ATP2A3: variants seen among roughly 807,000 people sequenced by gnomAD.
The protein encoded by ATP2A3 is ATPase sarcoplasmic/endoplasmic reticulum Ca2+ transporting 3.
ATP2A3 carries 61 observed loss-of-function variants against 106.8 expected under a neutral mutation model. The ratio of observed to expected loss-of-function variants is 0.57; its 90% CI spans 0.46 to 0.71. The LOEUF is 0.71. Among genes scored for constraint, ATP2A3 ranks in the 30% least tolerant of loss-of-function variants. The pLI is 0.00. For missense variants in ATP2A3, 1,201 were observed against 1,423.5 expected (o/e 0.84, Z 2.52); for synonymous variants, 611 against 609.3 (o/e 1.00, Z -0.04).
chr17:3,938,148 G>C (rs963391122), intron 14 of ATP2A3, among the ~76,000 whole-genome samples: 2 of 152,154 alleles, frequency 1.3e-5, no homozygotes, highest in African/African-American at 4.8e-5. Flanking sequence ...CAAACTGAAG[G>C]CCAGGCCAGG....
rs1294982593 is a variant in ATP2A3 at position 3,950,773 on chromosome 17, A to G, written c.464T>C (p.Val155Ala). 8 of 1,612,642 alleles carry G rather than the reference A, an allele frequency of 5.0e-6. No homozygotes were observed. Among genetic ancestry groups the G allele is most frequent in the Middle Eastern group, 3.7e-4 (2 of 5,436 alleles). The change falls in exon 6 of 21, where the codon GTG (valine) becomes GCG (alanine). Residue 155 changes from valine (V) to alanine (A), a missense_variant and splice_region_variant. Around this residue, in one of 2 missense-constraint regions of ATP2A3, gnomAD observed 266 missense variants for 246.8 expected, o/e 1.08. Transcript: ENST00000397041. ...IVPGDIVEVAVGDKVPADLRL... is the reference protein window; with the variant it reads ...IVPGDIVEVAAGDKVPADLRL... ...GAGGTCAGCAGGCACTTTGTCCCCC[A>G]CTGTGCGGGGAGAATGGCTTGGCTG...
chr17:3,945,055 C>G lies in ATP2A3; in HGVS notation c.1184+5G>C. On this transcript the variant is annotated splice_donor_5th_base_variant and intron_variant, in intron 9 of 20. Coordinates refer to ENST00000397041, the MANE Select transcript of ATP2A3 (RefSeq NM_005173.4). ...CGCCCGCGCGTCCCCTGGCCCCGCA[C>G]TCACACTTCGCCCTCGGGGGTATAC... 6.5e-7 allele frequency: 1 copy of G among 1,539,204 alleles called. No individual in the cohort carries two copies. Among genetic ancestry groups the G allele is most frequent in the Non-Finnish European group, 8.8e-7 (1 of 1,141,574 alleles).
chr17:3,939,030 G>C (rs1256695450), intron 14 of ATP2A3, among the ~76,000 whole-genome samples: 1 of 152,068 alleles, frequency 6.6e-6, no homozygotes, highest in African/African-American at 2.4e-5. Flanking sequence ...AGCCAGGCAT[G>C]GTGGTGCATG....
chr17:3,939,792 A>T (rs2053640450), intron 14 of ATP2A3, among the ~76,000 whole-genome samples: 3 of 148,446 alleles, frequency 2.0e-5, no homozygotes, highest in African/African-American at 7.4e-5. Context: ...TGTCTAAAAA[A>T]AAAAAAAAAA....
intron 14 of ATP2A3, among the ~76,000 whole-genome samples, chr17:3,940,043 GTTTTTTGTTTTTT>G (rs946867766): frequency 1.1e-5 from 1 of 87,618 alleles, no homozygotes; most frequent in African/African-American, 5.7e-5. Context: ...TTTTTTTTTT[GTTTTTTGTTTTTT>G]TTTTTTTTGG....
At chr17:3,945,000 C>T (rs946360125) in intron 9 of ATP2A3, 60 bp downstream of exon 9, 8 of 1,370,344 alleles carry the variant, frequency 5.8e-6, no homozygotes, top group Non-Finnish European at 7.6e-6. Context: ...ACCTCGGCGC[C>T]GCCACGCGTG....
intron 7 of ATP2A3, among the ~76,000 whole-genome samples, chr17:3,949,276 C>A (rs780200961): frequency 1.3e-5 from 2 of 152,132 alleles, no homozygotes; most frequent in Non-Finnish European, 2.9e-5. Context: ...TGCCCCTAAA[C>A]GCTCCTTGCT....
chr17:3,930,583 A>C lies in ATP2A3; in HGVS notation c.2611-149T>G. The C allele has an allele frequency of 1.1e-5, 5 of 441,988 alleles. No homozygotes were observed. Among genetic ancestry groups the C allele is most frequent in the Non-Finnish European group, 1.9e-5 (5 of 257,060 alleles). 27.4% of individuals were successfully genotyped at this position (441,988 alleles called of 1,614,324 possible). The stretch of plus-strand genomic sequence containing the variant: ...CGTGGGGTGGGCTGGGGATCCCGGG[A>C]GGGGTGCGGGGTCGGGGCGGCGGTG... On this transcript the variant is annotated intron_variant, in intron 17 of 20. Coordinates refer to ENST00000397041, the MANE Select transcript of ATP2A3 (RefSeq NM_005173.4). The surrounding 1 kb of genome is among the most constrained non-coding windows in gnomAD (Gnocchi z 5.4).
intron 8 of ATP2A3, among the ~76,000 whole-genome samples, chr17:3,946,549 ACT>A (rs777490168): frequency 6.6e-6 from 1 of 151,630 alleles, no homozygotes; most frequent in Admixed American, 6.6e-5. Context: ...ACAGAATGAG[ACT>A]CTGCCTCAAA....
At position 3,928,156 on chromosome 17, in the gene ATP2A3, CG is replaced by C. The variant is rs1186981284; in HGVS notation, c.2980+506del. ...ACCTGCCATCCTGTCCTCTCCACTC[CG>C]GGGTTAAGGCAGACCCAGAGCTGTG... On this transcript the variant is annotated intron_variant, in intron 20 of 20. Transcript: ENST00000397041. The surrounding 1 kb of genome is among the most constrained non-coding windows in gnomAD (Gnocchi z 6.1). The C allele has an allele frequency of 7.5e-6, 12 of 1,601,514 alleles. No individual in the cohort carries two copies. Among genetic ancestry groups the C allele is most frequent in the Non-Finnish European group, 1.0e-5 (12 of 1,168,978 alleles).
chr17:3,944,456 G>A (rs1193460757), intron 10 of ATP2A3, among the ~76,000 whole-genome samples: 1 of 152,108 alleles, frequency 6.6e-6, no homozygotes, highest in Admixed American at 6.6e-5. Context: ...CCCCCCACAG[G>A]TTTCCCCAGC....
chr17:3,943,894 T>C (rs936595536), intron 10 of ATP2A3, among the ~76,000 whole-genome samples: 2 of 152,102 alleles, frequency 1.3e-5, no homozygotes, highest in African/African-American at 2.4e-5. Flanking sequence ...CTGAACCTTG[T>C]TCCCCGGGGA....
At position 3,953,573 on chromosome 17, in the gene ATP2A3, G is replaced by T; in HGVS notation, c.136+120C>A. On this transcript the variant is annotated intron_variant, in intron 2 of 20. Coordinates refer to ENST00000397041, the MANE Select transcript of ATP2A3 (RefSeq NM_005173.4). The surrounding 1 kb of genome is among the most constrained non-coding windows in gnomAD (Gnocchi z 5.1). The stretch of plus-strand genomic sequence containing the variant: ...CCCAGGTCGCTGAGAGGCTCAGGTG[G>T]GTGATCCTGGGGAGCTCAGCAAGGC... 1 of 1,494,254 alleles carries T rather than the reference G, an allele frequency of 6.7e-7. No individual in the cohort carries two copies. The highest frequency in any genetic ancestry group is 9.2e-7 in the Non-Finnish European group (1 of 1,092,050). The allele number at this position is 1,494,254 out of a possible 1,614,324, so 92.6% of individuals were successfully genotyped here. A position where few individuals can be genotyped will look rare whatever the true frequency, so the allele number is the denominator to read the frequency against.
chr17:3,942,559 G>C, intron 12 of ATP2A3, 47 bp downstream of exon 12: 1 of 1,597,462 alleles, frequency 6.3e-7, no homozygotes, highest in Non-Finnish European at 8.5e-7. Context: ...GGATGACCAG[G>C]TTCCCCAGGG....
chr17:3,928,513 C>A lies in ATP2A3; in HGVS notation c.2980+150G>T. The A allele has an allele frequency of 1.1e-6, 1 of 945,998 alleles. No individual in the cohort carries two copies. Among genetic ancestry groups the A allele is most frequent in the African/African-American group, 1.6e-5 (1 of 61,512 alleles). 58.6% of individuals were successfully genotyped at this position (945,998 alleles called of 1,614,324 possible). ...ACCTTGGGACCCAGCCACCAGAGCC[C>A]CTTCACACCCTCCACTTGGTGATCC... On this transcript the variant is annotated intron_variant, in intron 20 of 20. Coordinates refer to ENST00000397041, the MANE Select transcript of ATP2A3 (RefSeq NM_005173.4). The surrounding 1 kb of genome is among the most constrained non-coding windows in gnomAD (Gnocchi z 6.1).
Position 3,945,047 on chromosome 17 carries a change from G to GC in ATP2A3, c.1184+12dup. 6.5e-7 allele frequency: 1 copy of GC among 1,533,970 alleles called. No individual in the cohort carries two copies. The highest frequency in any genetic ancestry group is 8.8e-7 in the Non-Finnish European group (1 of 1,138,834). On this transcript the variant is annotated intron_variant, in intron 9 of 20. Transcript: ENST00000397041. ...AGGCCGCCCGCCCGCGCGTCCCCTG[G>GC]CCCCGCACTCACACTTCGCCCTCGG...
Position 3,945,112 on chromosome 17 carries a change from G to T in ATP2A3, c.1132C>A (p.Leu378Ile). Residue 378 changes from leucine (L) to isoleucine (I), a missense_variant, in exon 9 of 21, where the codon CTT (leucine) becomes ATT (isoleucine). By Grantham distance (5) the Leu-to-Ile change is conservative. Around this residue, in one of 2 missense-constraint regions of ATP2A3, gnomAD observed 935 missense variants for 1,176.7 expected, o/e 0.79. Transcript: ENST00000397041. The part of the protein sequence containing the change: ...VVAEADAGSC[L>I]LHEFTISGTT... ...CCCGAGATGGTGAACTCGTGCAAAA[G>T]GCAGGAGCCCGCATCGGCCTCGGCT... 6.5e-7 allele frequency: 1 copy of T among 1,548,380 alleles called. No homozygotes were observed.
rs143011886 is a variant in ATP2A3, at chr17:3,945,858, G to A, written c.1096-710C>T. On this transcript the variant is annotated intron_variant, in intron 8 of 20. Coordinates refer to ENST00000397041, the MANE Select transcript of ATP2A3 (RefSeq NM_005173.4). The stretch of plus-strand genomic sequence containing the variant: ...GATGCATAAGTGTCCCTTCCTTCCC[G>A]CTCTCCTCCCTACTCCTGGGGGCAG... Among the ~76,000 whole-genome samples, 20 of 152,172 alleles carry A rather than the reference G, an allele frequency of 1.3e-4. No individual in the cohort carries two copies. In the East Asian group the frequency reaches 1.7e-3, roughly 13 times the overall value.
rs35334668 is a variant in ATP2A3 at position 3,936,580 on chromosome 17, A to G, written c.2322-111T>C. On this transcript the variant is annotated intron_variant, in intron 15 of 20. Transcript: ENST00000397041. The surrounding 1 kb of genome is among the most constrained non-coding windows in gnomAD (Gnocchi z 5.4). ...GAGCTCACCCACCCACTGTCTCCAC[A>G]GCAGCCCCTCCTCCCTCCGCCAGCT... 205,725 of 1,157,118 alleles carry G rather than the reference A, an allele frequency of 0.18. 19,211 individuals carry two copies. Among genetic ancestry groups the G allele is most frequent in the Middle Eastern group, 0.23 (831 of 3,610 alleles). 71.7% of individuals were successfully genotyped at this position (1,157,118 alleles called of 1,614,324 possible).
Sources: gnomAD v4.1 joint callset for allele counts (sites outside exome capture counted in the v4.1 genomes callset) on GRCh38, gnomAD v4.1.1 for gene constraint, gnomAD v4.1.1 regional missense constraint, Gnocchi (gnomAD v3.1) non-coding constraint, MANE v1.5 for transcripts, NCBI Gene and HGNC (gene_info 2026-07-23, HGNC 2026-07-21) for gene names.